Variants in GOLGA4 observed in about 807,000 individuals in gnomAD.
GOLGA4 encodes the protein golgin subfamily A member 4.
Under a neutral mutation model 265.9 loss-of-function variants are expected in GOLGA4, and 169 were observed. That is an observed-to-expected ratio of 0.64 (90% CI 0.56 to 0.72). The LOEUF is 0.72. Among genes scored for constraint, GOLGA4 ranks in the 30% least tolerant of loss-of-function variants. GOLGA4 has a pLI of 0.00. For synonymous variants in GOLGA4, 923 were observed against 855.8 expected (o/e 1.08, Z -1.37); for missense variants, 2,482 against 2,483.4 (o/e 1.00, Z 0.01).
At chr3:37,334,858 G>A (rs1274605985) in intron 16 of GOLGA4, among the ~76,000 whole-genome samples, 195 bp from the exon 17 acceptor site, 2 of 151,996 alleles carry the variant, frequency 1.3e-5, no homozygotes, top group Admixed American at 6.6e-5. Flanking sequence ...GAGGCATGAA[G>A]GAAAGTGTTT....
Position 37,323,769 on chromosome 3 carries a change from C to T in GOLGA4, c.1883C>T (p.Thr628Ile), listed in dbSNP as rs919940241. The change falls in exon 14 of 24, where the codon ACT becomes ATT. Residue 628 changes from threonine (T) to isoleucine (I), a missense_variant. Coordinates refer to ENST00000361924, the MANE Select transcript of GOLGA4 (RefSeq NM_002078.5). ...AAGCATCAGCAGGATGCCCTTTGGA[C>T]TGAAAAACTCCAAGTCTTAAAGCAA... is the stretch of plus-strand genomic sequence containing the variant. ...SLKHQQDALW[T>I]EKLQVLKQQY... is the part of the protein sequence containing the mutation. The T allele has an allele frequency of 6.2e-7, 1 of 1,610,392 alleles. No individual in the cohort carries two copies. The highest frequency in any genetic ancestry group is 8.5e-7 in the Non-Finnish European group (1 of 1,179,142).
chr3:37,278,252 C>T (rs1362571587), intron 2 of GOLGA4, among the ~76,000 whole-genome samples: 17 of 150,388 alleles, frequency 1.1e-4, no homozygotes, highest in Middle Eastern at 3.5e-3. Context: ...CAGGCTGGAG[C>T]GTAATGGCGT....
intron 2 of GOLGA4, among the ~76,000 whole-genome samples, chr3:37,251,746 A>G (rs867352573): frequency 2.7e-4 from 41 of 151,964 alleles, no homozygotes; most frequent in African/African-American, 9.9e-4. Context: ...GTGTGGTGGC[A>G]CGATCACTGC....
intron 2 of GOLGA4, chr3:37,266,817 T>C (rs768653948): frequency 1.9e-5 from 21 of 1,094,334 alleles, no homozygotes; most frequent in East Asian, 1.8e-4. Context: ...TTTTGTACTT[T>C]TGCTTATTAC....
rs1560279957 is a variant in GOLGA4 at position 37,257,968 on chromosome 3, T to A, written c.162+6484T>A. ...ATATATGTATGTATATATGTATATA[T>A]ACATACATATATATATGTATGTATA... On this transcript the variant is annotated intron_variant, in intron 2 of 23. Transcript: ENST00000361924. Among the ~76,000 whole-genome samples the A allele has an allele frequency of 3.8e-5, 4 of 104,452 alleles. No homozygotes were observed. The East Asian group carries it at 7.5e-4, about 20-fold the overall frequency. The allele number at this position is 104,452 out of a possible 152,430, so 68.5% of individuals were successfully genotyped here.
chr3:37,337,189 T>TC, intron 18 of GOLGA4, 26 bp downstream of exon 18: 1 of 1,211,724 alleles, frequency 8.3e-7, no homozygotes, highest in Non-Finnish European at 1.2e-6. Context: ...CTTTTTTTTT[T>TC]TTTCTTTTTT....
rs566753116 is a variant in GOLGA4 at position 37,255,517 on chromosome 3, AT to A, written c.162+4036del. Among the ~76,000 whole-genome samples, 34 of 152,186 alleles carry A rather than the reference AT, an allele frequency of 2.2e-4. No individual in the cohort carries two copies. The East Asian group carries it at 2.7e-3, about 12-fold the overall frequency. ...AGGCACTCCAAACAAAGACAGATTT[AT>A]TTGGGTTTATATACAGTATTTACCA... On this transcript the variant is annotated intron_variant, in intron 2 of 23. Transcript: ENST00000361924.
chr3:37,302,983 T>A (rs1023561644), intron 10 of GOLGA4, among the ~76,000 whole-genome samples: 1 of 152,110 alleles, frequency 6.6e-6, no homozygotes, highest in Non-Finnish European at 1.5e-5. Context: ...AAGATGTGAG[T>A]TTTGAATTGG....
At chr3:37,352,412 A>G (rs2097077376) in intron 21 of GOLGA4, among the ~76,000 whole-genome samples, 1 of 152,124 alleles carries the variant, frequency 6.6e-6, no homozygotes, top group East Asian at 1.9e-4. Flanking sequence ...GAACAGCAGC[A>G]TGGGGGTAAC....
intron 2 of GOLGA4, among the ~76,000 whole-genome samples, chr3:37,267,401 T>G (rs1046123667): frequency 6.6e-6 from 1 of 152,250 alleles, no homozygotes; most frequent in Non-Finnish European, 1.5e-5. Context: ...TTCTACTGTA[T>G]TAGATAATTG....
At chr3:37,321,195 A>T (rs943450274) in intron 12 of GOLGA4, among the ~76,000 whole-genome samples, 1 of 152,224 alleles carries the variant, frequency 6.6e-6, no homozygotes, top group Non-Finnish European at 1.5e-5. Context: ...ATGAAAGGAC[A>T]ATCAGAGAAG....
chr3:37,316,199 CT>C (rs34521576), intron 11 of GOLGA4, among the ~76,000 whole-genome samples: 49,042 of 138,608 alleles, frequency 0.35, 8,299 homozygotes, highest in Non-Finnish European at 0.42. Context: ...TTTTTTTCTG[CT>C]TTTTTTTTTT....
intron 10 of GOLGA4, among the ~76,000 whole-genome samples, chr3:37,306,523 G>A (rs954215682): frequency 1.3e-5 from 2 of 151,662 alleles, no homozygotes; most frequent in Non-Finnish European, 2.9e-5. Context: ...GTGTGTGTGT[G>A]TGTGTGTGTG....
chr3:37,271,327 A>G (rs977655322), intron 2 of GOLGA4, among the ~76,000 whole-genome samples: 1 of 152,174 alleles, frequency 6.6e-6, no homozygotes, highest in Non-Finnish European at 1.5e-5. Flanking sequence ...CCATGTAGGC[A>G]ACTGGAAGAT....
At position 37,325,477 on chromosome 3, in the gene GOLGA4, A is replaced by G; in HGVS notation, c.3591A>G (p.Lys1197=). ...SLKSSHEKSN[K]SLEDKSLEFK... ...AATCTTCACATGAAAAAAGTAACAA[A>G]AGCCTAGAGGACAAGAGCTTGGAAT... The change falls in exon 14 of 24, where the codon AAA becomes AAG. Residue 1197 remains lysine, a synonymous_variant. Coordinates refer to ENST00000361924, the MANE Select transcript of GOLGA4 (RefSeq NM_002078.5). 1 of 1,612,542 alleles carries G rather than the reference A, an allele frequency of 6.2e-7. No homozygotes were observed.
In GOLGA4 at chr3:37,286,001, G is replaced by T; in HGVS notation, c.478-13G>T. On this transcript the variant is annotated splice_polypyrimidine_tract_variant and intron_variant, in intron 3 of 23. Coordinates refer to ENST00000361924, the MANE Select transcript of GOLGA4 (RefSeq NM_002078.5). The stretch of plus-strand genomic sequence containing the variant: ...TTTAGGAATGACTAATGTTGTTGAT[G>T]ACTATATTTTAGCTTGTTACAGCTT... The T allele has an allele frequency of 6.7e-7, 1 of 1,487,128 alleles. No individual in the cohort carries two copies. The highest frequency in any genetic ancestry group is 1.2e-5 in the South Asian group (1 of 83,756). 92.1% of individuals were successfully genotyped at this position (1,487,128 alleles called of 1,614,324 possible).
chr3:37,247,801 G>A lies in GOLGA4; in HGVS notation c.73-3594G>A, dbSNP rs1184626081. Among the ~76,000 whole-genome samples the A allele has an allele frequency of 2.0e-5, 3 of 152,160 alleles. No individual in the cohort carries two copies. The East Asian group carries it at 5.8e-4, about 29-fold the overall frequency. On this transcript the variant is annotated intron_variant, in intron 1 of 23. Coordinates refer to ENST00000361924, the MANE Select transcript of GOLGA4 (RefSeq NM_002078.5). ...AGTCCTTTCTGGTTATAGGACTGGG[G>A]CCTTCATTTCTTGCTGACCACTTTC... is the stretch of plus-strand genomic sequence containing the variant.
At chr3:37,334,408 C>T (rs191550661) in intron 16 of GOLGA4, among the ~76,000 whole-genome samples, 4 of 151,948 alleles carry the variant, frequency 2.6e-5, no homozygotes, top group Admixed American at 2.6e-4. Context: ...GAACATTTTA[C>T]CTCAGAGAAC....
At chr3:37,356,304 A>G (rs1307355154) in intron 22 of GOLGA4, among the ~76,000 whole-genome samples, 2 of 152,182 alleles carry the variant, frequency 1.3e-5, no homozygotes, top group East Asian at 1.9e-4. Flanking sequence ...AGGGACCCCA[A>G]TATCTCAGGC....
Sources: gnomAD v4.1 joint callset for allele counts (sites outside exome capture counted in the v4.1 genomes callset) on GRCh38, gnomAD v4.1.1 for gene constraint, MANE v1.5 for transcripts, NCBI Gene and HGNC (gene_info 2026-07-23, HGNC 2026-07-21) for gene names.